Variants in ADAMTS3 observed in about 807,000 individuals in gnomAD.
ADAMTS3 encodes the protein A disintegrin and metalloproteinase with thrombospondin motifs 3.
A neutral mutation model predicts 129.0 loss-of-function variants in ADAMTS3; 73 were observed. The ratio of observed to expected loss-of-function variants is 0.57; its 90% CI spans 0.47 to 0.69. The LOEUF is 0.69. Ranked by LOEUF, ADAMTS3 falls within the 30% of genes least tolerant of loss-of-function variation. The pLI is 0.00. For missense variants in ADAMTS3, 1,457 were observed against 1,514.5 expected (o/e 0.96, Z 0.63); for synonymous variants, 477 against 510.8 (o/e 0.93, Z 0.89).
chr4:72,529,788 T>A (rs1157278538), intron 3 of ADAMTS3, among the ~76,000 whole-genome samples: 2 of 98,828 alleles, frequency 2.0e-5, no homozygotes, highest in Non-Finnish European at 3.7e-5. Context: ...ATATATGATA[T>A]AATTTAATAT....
chr4:72,310,245 T>A (rs1719196606), intron 14 of ADAMTS3, among the ~76,000 whole-genome samples: 2 of 152,028 alleles, frequency 1.3e-5, no homozygotes. Flanking sequence ...GTTCTTAATG[T>A]AAATCACTGT....
At chr4:72,294,038 C>T (rs182014210) in intron 19 of ADAMTS3, among the ~76,000 whole-genome samples, 10 of 151,750 alleles carry the variant, frequency 6.6e-5, no homozygotes, top group Non-Finnish European at 1.3e-4. Context: ...CTGAGGAACA[C>T]GGGAGAATTT....
chr4:72,548,909 C>A, intron 2 of ADAMTS3, 25 bp from the exon 3 acceptor site: 2 of 1,589,110 alleles, frequency 1.3e-6, no homozygotes, highest in South Asian at 2.2e-5. Flanking sequence ...ACAGAACTGT[C>A]AAACCCTGTA....
chr4:72,487,096 AT>A (rs1719610087), intron 3 of ADAMTS3, among the ~76,000 whole-genome samples: 1 of 152,164 alleles, frequency 6.6e-6, no homozygotes, highest in African/African-American at 2.4e-5. Context: ...GAAGTGAGGC[AT>A]AGTGACCACT....
At chr4:72,474,774 C>T (rs1344686202) in intron 3 of ADAMTS3, among the ~76,000 whole-genome samples, 1 of 152,106 alleles carries the variant, frequency 6.6e-6, no homozygotes, top group African/African-American at 2.4e-5. Context: ...CGCCTGTAAT[C>T]CCAGCACTTT....
At chr4:72,546,626 T>C (rs1721474220) in intron 3 of ADAMTS3, among the ~76,000 whole-genome samples, 1 of 152,136 alleles carries the variant, frequency 6.6e-6, no homozygotes, top group Admixed American at 6.6e-5. Flanking sequence ...GATGCTGTTC[T>C]AGCAAGTTGA....
chr4:72,400,126 GTGTGTATATATGCACACATGGTGTGTATA>G (rs1721863112), intron 4 of ADAMTS3, among the ~76,000 whole-genome samples: 1 of 123,464 alleles, frequency 8.1e-6, no homozygotes, highest in Non-Finnish European at 1.7e-5. Flanking sequence ...GTGTATATAC[GTGTGTATATATGCACACATGGTGTGTATA>G]TATATGTGTG....
chr4:72,376,832 C>T (rs1461226735), intron 4 of ADAMTS3, among the ~76,000 whole-genome samples: 1 of 151,974 alleles, frequency 6.6e-6, no homozygotes, highest in Non-Finnish European at 1.5e-5. Flanking sequence ...ATTTCACTGC[C>T]AAGGATGGTA....
intron 5 of ADAMTS3, among the ~76,000 whole-genome samples, chr4:72,334,940 A>C (rs1402535877): frequency 6.6e-6 from 1 of 152,182 alleles, no homozygotes; most frequent in Non-Finnish European, 1.5e-5. Flanking sequence ...GATGAAAGAC[A>C]TCTGATTATT....
intron 4 of ADAMTS3, among the ~76,000 whole-genome samples, chr4:72,345,969 G>A (rs1404607321): frequency 1.3e-5 from 2 of 152,036 alleles, no homozygotes; most frequent in African/African-American, 4.8e-5. Context: ...AAACATACTA[G>A]TTCACGTAAC....
chr4:72,528,149 T>C (rs1720862932), intron 3 of ADAMTS3, among the ~76,000 whole-genome samples: 1 of 152,158 alleles, frequency 6.6e-6, no homozygotes, highest in Non-Finnish European at 1.5e-5. Flanking sequence ...ACACATATTT[T>C]GTATTTGTCC....
chr4:72,371,766 C>T (rs181887605), intron 4 of ADAMTS3, among the ~76,000 whole-genome samples: 121 of 152,032 alleles, frequency 8.0e-4, no homozygotes, highest in African/African-American at 2.7e-3. Context: ...ATATGAATAA[C>T]GCAATTAACA....
At chr4:72,366,774 C>CTTT (rs1220915576) in intron 4 of ADAMTS3, among the ~76,000 whole-genome samples, 1 of 139,200 alleles carries the variant, frequency 7.2e-6, no homozygotes, top group Non-Finnish European at 1.6e-5. Context: ...GTGTCCCAAG[C>CTTT]TTTTTTTTTT....
At chr4:72,502,388 T>C (rs72656041) in intron 3 of ADAMTS3, among the ~76,000 whole-genome samples, 50 of 152,288 alleles carry the variant, frequency 3.3e-4, no homozygotes, top group Non-Finnish European at 5.7e-4. Context: ...CTAGATTTTC[T>C]AGTTTGTGTG....
intron 3 of ADAMTS3, among the ~76,000 whole-genome samples, chr4:72,531,603 C>T (rs985133412): frequency 8.5e-5 from 13 of 152,124 alleles, no homozygotes; most frequent in Non-Finnish European, 1.6e-4. Context: ...AGTGATGGTC[C>T]TCAGGCTGTT....
At chr4:72,546,343 A>C (rs1320897309) in intron 3 of ADAMTS3, among the ~76,000 whole-genome samples, 1 of 152,180 alleles carries the variant, frequency 6.6e-6, no homozygotes, top group African/African-American at 2.4e-5. Context: ...AGGACAAGTC[A>C]GGAGGGAGAG....
intron 13 of ADAMTS3, among the ~76,000 whole-genome samples, chr4:72,311,463 C>T (rs561946850): frequency 1.3e-5 from 2 of 152,122 alleles, no homozygotes; most frequent in East Asian, 3.9e-4. Flanking sequence ...CCAGGCAACC[C>T]TAGATTTCAA....
intron 19 of ADAMTS3, among the ~76,000 whole-genome samples, chr4:72,293,324 G>A (rs1718724383): frequency 6.6e-6 from 1 of 152,102 alleles, no homozygotes; most frequent in African/African-American, 2.4e-5. Flanking sequence ...TAACCATACA[G>A]GGTGATTTGC....
chr4:72,366,026 C>G (rs577658553), intron 4 of ADAMTS3, among the ~76,000 whole-genome samples: 7 of 152,326 alleles, frequency 4.6e-5, no homozygotes, highest in African/African-American at 1.7e-4. Context: ...CTGTCTCACA[C>G]AGTGCTTATA....
Sources: gnomAD v4.1 joint callset for allele counts (sites outside exome capture counted in the v4.1 genomes callset) on GRCh38, gnomAD v4.1.1 for gene constraint, MANE v1.5 for transcripts, NCBI Gene and HGNC (gene_info 2026-07-23, HGNC 2026-07-21) for gene names.